PSMA1: variants seen among roughly 807,000 people sequenced by gnomAD.
PSMA1 encodes proteasome subunit alpha type-1.
Under a neutral mutation model 38.4 loss-of-function variants are expected in PSMA1, and 3 were observed. That is an observed-to-expected ratio of 0.08 (90% confidence interval 0.04 to 0.20). The LOEUF (loss-of-function observed/expected upper bound fraction) is 0.20. Ranked by LOEUF, PSMA1 falls within the 10% of genes least tolerant of loss-of-function variation. The pLI is 1.00. For missense variants in PSMA1, 227 were observed against 325.3 expected, an observed-to-expected ratio of 0.70 and a Z score of 2.32; for synonymous variants, 101 against 107.1, an observed-to-expected ratio of 0.94 and a Z score of 0.35.
chr11:14,520,984 C>T (rs1337747924), upstream of PSMA1, among the ~76,000 whole-genome samples: 1 of 152,204 alleles, frequency 6.6e-6, no homozygotes, highest in Non-Finnish European at 1.5e-5. Flanking sequence ...ATTTCTTCCA[C>T]CAGACTTTGA....
intron 2 of PSMA1, among the ~76,000 whole-genome samples, chr11:14,599,105 C>A (rs1242054699): frequency 6.6e-6 from 1 of 152,186 alleles, no homozygotes; most frequent in Non-Finnish European, 1.5e-5. Context: ...GCTGAGAGAT[C>A]CGCTGTTAGT....
At chr11:14,575,145 G>C (rs989687442) in intron 2 of PSMA1, among the ~76,000 whole-genome samples, 15 of 152,184 alleles carry the variant, frequency 9.9e-5, no homozygotes, top group Non-Finnish European at 1.9e-4. Flanking sequence ...CTTTAGCAAA[G>C]AGACTGGCGG....
chr11:14,623,687 G>A (rs1852876923), intron 1 of PSMA1, among the ~76,000 whole-genome samples: 1 of 152,158 alleles, frequency 6.6e-6, no homozygotes, highest in African/African-American at 2.4e-5. Context: ...GCCAGTCTTT[G>A]TTGTTGGCTA....
Position 14,519,644 on chromosome 11 carries a change from T to C in PSMA1, c.4-603A>G, listed in dbSNP as rs142125637. Among the ~76,000 whole-genome samples, 368 of 152,296 alleles carry C rather than the reference T, an allele frequency of 2.4e-3. 1 individual carries two copies. Among genetic ancestry groups the C allele is most frequent in the African/African-American group, 8.3e-3 (346 of 41,570 alleles). On this transcript the variant is annotated intron_variant, in intron 1 of 9. Coordinates refer to ENST00000396394, the MANE Select transcript of PSMA1 (RefSeq NM_002786.4). ...AGGTGGACACAAATAGCTGCAGCGA[T>C]AGAACCATTACGGCTATTACGACTA...
intron 1 of PSMA1, among the ~76,000 whole-genome samples, chr11:14,622,667 T>G (rs1342813587): frequency 1.3e-5 from 2 of 152,180 alleles, no homozygotes; most frequent in African/African-American, 4.8e-5. Flanking sequence ...CTGGTAGGCC[T>G]CTTTGGGTTC....
At chr11:14,567,391 A>T (rs1444686050) in intron 2 of PSMA1, among the ~76,000 whole-genome samples, 1 of 152,230 alleles carries the variant, frequency 6.6e-6, no homozygotes, top group Non-Finnish European at 1.5e-5. Context: ...AGCATGGCAG[A>T]TAAGGTACAG....
chr11:14,521,195 C>T (rs976601014), upstream of PSMA1, among the ~76,000 whole-genome samples: 3 of 133,972 alleles, frequency 2.2e-5, no homozygotes, highest in South Asian at 7.2e-4. Context: ...TGGTGGCTCA[C>T]GCCTGTAATC....
At chr11:14,630,528 G>T (rs1250146137) in intron 1 of PSMA1, among the ~76,000 whole-genome samples, 1 of 152,050 alleles carries the variant, frequency 6.6e-6, no homozygotes, top group Non-Finnish European at 1.5e-5. Flanking sequence ...CTTGGTCATG[G>T]TGGATAAGCT....
intron 8 of PSMA1, 23 bp downstream of exon 8, chr11:14,510,849 C>T (rs1320886520): frequency 1.9e-6 from 3 of 1,540,870 alleles, no homozygotes; most frequent in East Asian, 4.6e-5. Context: ...TTAATATCTA[C>T]AATTGGAAAA....
chr11:14,631,738 A>C (rs1055276806), intron 1 of PSMA1, among the ~76,000 whole-genome samples: 1 of 152,074 alleles, frequency 6.6e-6, no homozygotes, highest in Non-Finnish European at 1.5e-5. Flanking sequence ...TTTCTGTCTC[A>C]TTGATGTGTC....
At chr11:14,572,129 T>C (rs1852150777) in intron 2 of PSMA1, among the ~76,000 whole-genome samples, 4 of 152,134 alleles carry the variant, frequency 2.6e-5, no homozygotes, top group Non-Finnish European at 5.9e-5. Context: ...AACAAGGATA[T>C]CCAGGAATTG....
chr11:14,602,442 A>G (rs16930369), intron 2 of PSMA1, among the ~76,000 whole-genome samples: 2,190 of 152,254 alleles, frequency 0.014, 49 homozygotes, highest in African/African-American at 0.05. Context: ...CAGGCTTTCC[A>G]GCTCCTTTTA....
rs192216176 is a variant in PSMA1, at chr11:14,534,790, G to A, written c.22-15749C>T. Reference sequence around the variant, plus strand: ...AAAAATTAAAAAAACAAACAAACCTGCTTATAGGAGGCCAGGTGCGGTGGC... The same window carrying A: ...AAAAATTAAAAAAACAAACAAACCTACTTATAGGAGGCCAGGTGCGGTGGC... On this transcript the variant is annotated intron_variant, in intron 2 of 10. Coordinates refer to the PSMA1 transcript ENST00000418988. This position sits in a 1 kb window ranked among gnomAD's most constrained non-coding sequence, Gnocchi z 4.5. 6.6e-6 allele frequency among the ~76,000 whole-genome samples: 1 copy of A among 152,164 alleles called. No individual in the cohort carries two copies. The highest frequency in any genetic ancestry group is 6.5e-5 in the Admixed American group (1 of 15,280).
intron 2 of PSMA1, among the ~76,000 whole-genome samples, chr11:14,603,775 A>G (rs758834186): frequency 5.3e-5 from 8 of 152,256 alleles, no homozygotes; most frequent in African/African-American, 7.2e-5. Context: ...AAGTATTTAT[A>G]CAAAATGCAG....
intron 2 of PSMA1, among the ~76,000 whole-genome samples, chr11:14,549,751 A>G: frequency 6.6e-6 from 1 of 151,800 alleles, no homozygotes; most frequent in Non-Finnish European, 1.5e-5. Context: ...CAACGTGGCA[A>G]TAGTAGGCAG....
intron 2 of PSMA1, among the ~76,000 whole-genome samples, chr11:14,526,318 A>G (rs1851584965): frequency 6.6e-6 from 1 of 151,954 alleles, no homozygotes. Context: ...CTGCCCCCAC[A>G]CTAGCTCTCC....
intron 2 of PSMA1, among the ~76,000 whole-genome samples, chr11:14,530,916 A>AG (rs1284648335): frequency 1.3e-4 from 19 of 151,390 alleles, no homozygotes; most frequent in African/African-American, 4.6e-4. Context: ...AAAAAAAAAA[A>AG]AAAATTAGTG....
intron 2 of PSMA1, among the ~76,000 whole-genome samples, chr11:14,544,332 C>A (rs1442128607): frequency 6.6e-6 from 1 of 152,076 alleles, no homozygotes; most frequent in Non-Finnish European, 1.5e-5. Context: ...CCGTGCCCGG[C>A]CGGTAAATTA....
chr11:14,627,095 A>G (rs772967678), intron 1 of PSMA1, among the ~76,000 whole-genome samples: 17 of 152,150 alleles, frequency 1.1e-4, no homozygotes, highest in Non-Finnish European at 2.2e-4. Flanking sequence ...TTATAAGGAC[A>G]TAAGTCATAT....
Sources: allele counts gnomAD v4.1 joint callset (sites outside exome capture counted in the v4.1 genomes callset), GRCh38; gene constraint gnomAD v4.1.1; non-coding constraint Gnocchi (gnomAD v3.1); transcripts MANE v1.5; gene names NCBI Gene and HGNC (gene_info 2026-07-23, HGNC 2026-07-21).